The following VPS13B variants were observed in gnomAD, a reference collection of about 807,000 sequenced individuals.
VPS13B encodes vacuolar protein sorting 13 homolog B, also known as intermembrane lipid transfer protein VPS13B.
Under a neutral mutation model 426.4 loss-of-function variants are expected in VPS13B, and 285 were observed. The ratio of observed to expected loss-of-function variants is 0.67; its 90% CI spans 0.61 to 0.74. The LOEUF (loss-of-function observed/expected upper bound fraction) is 0.74. Among genes scored for constraint, VPS13B ranks in the 30% least tolerant of loss-of-function variants. The probability of loss-of-function intolerance (pLI) is 0.00; values close to 1 mark genes in which losing one functional copy is unlikely to be tolerated. For missense variants in VPS13B, 4,537 were observed against 4,782.6 expected (o/e 0.95, Z 1.51); for synonymous variants, 1,676 against 1,676.4 (o/e 1.00, Z 0.01).
chr8:99,624,979 G>A lies in VPS13B; in HGVS notation c.5221-16832G>A, dbSNP rs566132295. On this transcript the variant is annotated intron_variant, in intron 33 of 61. Coordinates refer to ENST00000357162, the MANE Select transcript of VPS13B (RefSeq NM_152564.5). ...ATTACAAGCATGCGCCACCATGCCC[G>A]GCTAATTTTTGTTTGTTTGTTTTTT... Among the ~76,000 whole-genome samples the A allele has an allele frequency of 1.6e-3, 246 of 151,974 alleles. 2 individuals carry two copies. The highest frequency in any genetic ancestry group is 1.9e-3 in the Non-Finnish European group (129 of 67,974).
intron 17 of VPS13B, among the ~76,000 whole-genome samples, chr8:99,261,165 C>G (rs1174105433): frequency 6.6e-6 from 1 of 152,024 alleles, no homozygotes; most frequent in Admixed American, 6.6e-5. Context: ...TTGGGTTTTA[C>G]TCTTAGTGTT....
chr8:99,828,397 T>TTG (rs1814838894), intron 51 of VPS13B, among the ~76,000 whole-genome samples: 2 of 33,922 alleles, frequency 5.9e-5, no homozygotes, highest in Non-Finnish European at 1.2e-4. Flanking sequence ...AACCACCGTT[T>TTG]TTTTTTTTTT....
At chr8:99,567,436 CTTTGTTTTGTTCT>C (rs1050667777) in intron 31 of VPS13B, among the ~76,000 whole-genome samples, 2 of 145,792 alleles carry the variant, frequency 1.4e-5, no homozygotes, top group Non-Finnish European at 3.0e-5. Context: ...ATATATTAAC[CTTTGTTTTGTTCT>C]TTTGTTTTGG....
chr8:99,028,565 C>T lies in VPS13B; in HGVS notation c.148-9858C>T, dbSNP rs1174070461. Among the ~76,000 whole-genome samples, 24 of 96,588 alleles carry T rather than the reference C, an allele frequency of 2.5e-4. 2 individuals are homozygous for T. The highest frequency in any genetic ancestry group is 5.8e-4 in the Admixed American group (6 of 10,342). 63.4% of individuals were successfully genotyped at this position (96,588 alleles called of 152,430 possible). On this transcript the variant is annotated intron_variant, in intron 2 of 61. Transcript: ENST00000357162. ...CTCCCGGACGGGGCGGCTGGCCGGGCAGGGGGCTGACCCCCCTCCCCCCTC... is the reference window on the plus strand; with the variant it reads ...CTCCCGGACGGGGCGGCTGGCCGGGTAGGGGGCTGACCCCCCTCCCCCCTC...
chr8:99,279,263 G>A (rs1819048636), intron 19 of VPS13B, among the ~76,000 whole-genome samples: 1 of 151,870 alleles, frequency 6.6e-6, no homozygotes, highest in African/African-American at 2.4e-5. Context: ...TAAAAATGAG[G>A]TTCTAAATAT....
At chr8:99,627,168 G>A (rs1184557192) in intron 33 of VPS13B, among the ~76,000 whole-genome samples, 1 of 152,190 alleles carries the variant, frequency 6.6e-6, no homozygotes, top group East Asian at 1.9e-4. Flanking sequence ...CTTTCAGATA[G>A]ACAAGAGGCA....
chr8:99,123,475 A>G (rs1848048847), intron 8 of VPS13B, among the ~76,000 whole-genome samples: 1 of 142,732 alleles, frequency 7.0e-6, no homozygotes, highest in Non-Finnish European at 1.6e-5. Context: ...CATTTTTAGG[A>G]CTTTGTCTTT....
Position 99,587,324 on chromosome 8 carries a change from A to G in VPS13B, c.5220+9691A>G, listed in dbSNP as rs943711539. Among the ~76,000 whole-genome samples the G allele has an allele frequency of 2.6e-5, 4 of 152,148 alleles. No homozygotes were observed. In the South Asian group the frequency reaches 6.2e-4, roughly 24 times the overall value. On this transcript the variant is annotated intron_variant, in intron 33 of 61. Coordinates refer to ENST00000357162, the MANE Select transcript of VPS13B (RefSeq NM_152564.5). The stretch of plus-strand genomic sequence containing the variant: ...TTATAGCAGCATGATTTATAATCCT[A>G]TGGGTATATACCCAGTAATGGGATG...
rs1563841620 is a variant in VPS13B at position 99,644,561 on chromosome 8, A to T, written c.5908+2063A>T. On this transcript the variant is annotated intron_variant, in intron 34 of 61. Coordinates refer to ENST00000357162, the MANE Select transcript of VPS13B (RefSeq NM_152564.5). ...AGAGTGGTGGTCATGGGCTAGATTT[A>T]ATATAGGGGTGGGGGGTAAATGTAG... Among the ~76,000 whole-genome samples, 3 of 152,110 alleles carry T rather than the reference A, an allele frequency of 2.0e-5. No homozygotes were observed. The East Asian group carries it at 5.8e-4, about 29-fold the overall frequency.
chr8:99,121,947 G>A (rs563298827), intron 8 of VPS13B, among the ~76,000 whole-genome samples: 1 of 150,208 alleles, frequency 6.7e-6, no homozygotes, highest in Admixed American at 6.6e-5. Context: ...TGCCTCCCGG[G>A]CTCAAGACAT....
At chr8:99,348,349 A>G (rs545586860) in intron 19 of VPS13B, 8 of 152,342 alleles carry the variant, frequency 5.3e-5, no homozygotes, top group African/African-American at 1.4e-4. Flanking sequence ...TTTATGGCCT[A>G]TGTTTTTAAG....
chr8:99,720,138 G>T (rs1401877534), intron 37 of VPS13B, among the ~76,000 whole-genome samples: 2 of 151,900 alleles, frequency 1.3e-5, no homozygotes, highest in Non-Finnish European at 2.9e-5. Context: ...CACAATATAA[G>T]ATATAATTAA....
rs763964256 is a variant in VPS13B, at chr8:99,096,402, G to C, written c.382G>C (p.Ala128Pro). The change falls in exon 4 of 62, where the codon GCT becomes CCT. Residue 128 changes from alanine to proline, a missense_variant. Physicochemically the swap from Ala to Pro is conservative, Grantham distance 27 (BLOSUM62 -1). Transcript: ENST00000357162. ...AATCAAACCGCGGAGAATGCAGCAG[G>C]CTGCTCCTACAGATCCTGACTTACC... Reference protein sequence around the residue: ...SSIKPRRMQQAAPTDPDLPPG... With the variant: ...SSIKPRRMQQPAPTDPDLPPG... 6.2e-7 allele frequency: 1 copy of C among 1,614,076 alleles called. No individual in the cohort carries two copies. Among genetic ancestry groups the C allele is most frequent in the Non-Finnish European group, 8.5e-7 (1 of 1,179,974 alleles).
intron 19 of VPS13B, among the ~76,000 whole-genome samples, chr8:99,283,499 C>G (rs756631160): frequency 1.6e-4 from 24 of 152,170 alleles, no homozygotes; most frequent in Non-Finnish European, 3.1e-4. Context: ...CAAAATGTAA[C>G]TACAGCTGAA....
intron 17 of VPS13B, among the ~76,000 whole-genome samples, chr8:99,198,707 A>G (rs1814097895): frequency 6.6e-6 from 1 of 152,206 alleles, no homozygotes; most frequent in Admixed American, 6.5e-5. Context: ...GAATGATGTT[A>G]AGACATTTCT....
At chr8:99,495,357 G>A (rs1820830070) in intron 25 of VPS13B, among the ~76,000 whole-genome samples, 1 of 151,938 alleles carries the variant, frequency 6.6e-6, no homozygotes, top group Non-Finnish European at 1.5e-5. Context: ...TTTGTTTTTT[G>A]TCCTTAATCA....
chr8:99,241,946 T>G (rs1816953875), intron 17 of VPS13B, among the ~76,000 whole-genome samples: 1 of 152,194 alleles, frequency 6.6e-6, no homozygotes, highest in Non-Finnish European at 1.5e-5. Flanking sequence ...TCATTGCTTA[T>G]GAAGCAGTGA....
chr8:99,032,196 C>T (rs1842536262), intron 2 of VPS13B, among the ~76,000 whole-genome samples: 1 of 152,198 alleles, frequency 6.6e-6, no homozygotes, highest in South Asian at 2.1e-4. Flanking sequence ...GTTTCTGTAC[C>T]TCAGAAGATC....
At chr8:99,583,387 G>A (rs1329617454) in intron 33 of VPS13B, among the ~76,000 whole-genome samples, 2 of 152,028 alleles carry the variant, frequency 1.3e-5, no homozygotes, top group Non-Finnish European at 2.9e-5. Flanking sequence ...TAATAGTATA[G>A]AAAAATGTTG....
Sources: allele counts gnomAD v4.1 joint callset (sites outside exome capture counted in the v4.1 genomes callset), GRCh38; gene constraint gnomAD v4.1.1; transcripts MANE v1.5; gene names NCBI Gene and HGNC (gene_info 2026-07-23, HGNC 2026-07-21).